ENTPD6: variants seen among roughly 807,000 people sequenced by gnomAD.
ENTPD6 encodes the protein ectonucleoside triphosphate diphosphohydrolase 6.
Under a neutral mutation model 61.5 loss-of-function variants are expected in ENTPD6, and 46 were observed. The observed-to-expected ratio is 0.75, with a 90% CI of 0.59 to 0.96. The LOEUF (loss-of-function observed/expected upper bound fraction) is 0.96. Among genes scored for constraint, ENTPD6 ranks in the 40% least tolerant of loss-of-function variants. The probability of loss-of-function intolerance (pLI) is 0.00; values close to 1 mark genes in which losing one functional copy is unlikely to be tolerated. For synonymous variants in ENTPD6, 252 were observed against 255.5 expected, an observed-to-expected ratio of 0.99 and a Z score of 0.13; for missense variants, 612 against 629.0, an observed-to-expected ratio of 0.97 and a Z score of 0.29.
At chr20:25,211,619 T>C (rs1026052999) in intron 4 of ENTPD6, among the ~76,000 whole-genome samples, 1 of 152,264 alleles carries the variant, frequency 6.6e-6, no homozygotes, top group Non-Finnish European at 1.5e-5. Flanking sequence ...TATGTCGGCA[T>C]GTGCAGAGCC....
At chr20:25,224,998 G>C in intron 13 of ENTPD6, 1 of 667,698 alleles carries the variant, frequency 1.5e-6, no homozygotes, top group Non-Finnish European at 2.5e-6. Context: ...AATCCCCTTG[G>C]AGCCCAGACC....
intron 8 of ENTPD6, 142 bp from the exon 9 acceptor site, chr20:25,217,360 G>A (rs764342101): frequency 2.0e-5 from 15 of 735,798 alleles, no homozygotes; most frequent in Non-Finnish European, 3.3e-5. Context: ...GCCTGCTCCT[G>A]TCTCGCAGCC....
rs372824534 is a variant in ENTPD6, at chr20:25,217,565, A to G, written c.862A>G (p.Lys288Glu). The change falls in exon 9 of 15, where the codon AAG becomes GAG. Residue 288 changes from lysine to glutamate, a missense_variant. Physicochemically the swap from Lys to Glu is moderately conservative, Grantham distance 56. Transcript: ENST00000376652. ...ACTGCGGATGTTTAACAGGACCTAC[A>G]AGCTCTATTCCTACAGGTCTGCTTT... ...TALRMFNRTY[K>E]LYSYSYLGLG... 4.5e-5 allele frequency: 72 copies of G among 1,613,968 alleles called. No homozygotes were observed. The highest frequency in any genetic ancestry group is 5.0e-5 in the Admixed American group (3 of 59,978).
chr20:25,196,607 T>C (rs2090447439), intron 1 of ENTPD6, among the ~76,000 whole-genome samples: 1 of 152,180 alleles, frequency 6.6e-6, no homozygotes, highest in African/African-American at 2.4e-5. Flanking sequence ...TCCAGGCACC[T>C]GTATTCCAGC....
chr20:25,204,390 T>C lies in ENTPD6; in HGVS notation c.-15-2132T>C, dbSNP rs187618176. On this transcript the variant is annotated intron_variant, in intron 1 of 14. Transcript: ENST00000376652. ...GATAAAAATGTGTGCCCTTATTTTT[T>C]GGTAAGAGAAAGCAGGTCTTAATGT... Among the ~76,000 whole-genome samples the C allele has an allele frequency of 1.6e-4, 24 of 152,334 alleles. No individual in the cohort carries two copies. In the East Asian group the frequency reaches 4.2e-3, roughly 27 times the overall value.
intron 4 of ENTPD6, among the ~76,000 whole-genome samples, chr20:25,213,030 A>C (rs557738896): frequency 6.6e-6 from 1 of 152,280 alleles, no homozygotes; most frequent in East Asian, 1.9e-4. Context: ...TTAGTCGGGC[A>C]TGGTGGCTCA....
chr20:25,221,283 G>A lies in ENTPD6; in HGVS notation c.995G>A (p.Gly332Glu). The A allele has an allele frequency of 6.2e-7, 1 of 1,614,188 alleles. No individual in the cohort carries two copies. The highest frequency in any genetic ancestry group is 8.5e-7 in the Non-Finnish European group (1 of 1,180,018). ...VSPCLSPSFK[G>E]EWEHAEVTYR... Reference sequence around the variant, plus strand: ...CCTTGCTTGTCTCCCAGTTTCAAAGGAGAGTGGGAACACGCAGAAGTCACG... The same window carrying A: ...CCTTGCTTGTCTCCCAGTTTCAAAGAAGAGTGGGAACACGCAGAAGTCACG... The change falls in exon 11 of 15, where the codon GGA (glycine) becomes GAA (glutamate). Residue 332 changes from glycine to glutamate, a missense_variant. Transcript: ENST00000376652.
intron 4 of ENTPD6, 58 bp from the exon 5 acceptor site, chr20:25,213,205 C>T (rs1251765817): frequency 2.2e-5 from 36 of 1,604,600 alleles, no homozygotes; most frequent in East Asian, 6.7e-5. Context: ...GGAAGCAGCA[C>T]GTGTGACCCT....
intron 3 of ENTPD6, among the ~76,000 whole-genome samples, chr20:25,208,945 C>T (rs2091731016): frequency 1.3e-5 from 2 of 152,022 alleles, no homozygotes; most frequent in South Asian, 4.1e-4. Flanking sequence ...GAGACGGAGT[C>T]TCGCTCTGCT....
At chr20:25,207,039 T>TAA in intron 2 of ENTPD6, 37 bp from the exon 3 acceptor site, 1 of 1,563,092 alleles carries the variant, frequency 6.4e-7, no homozygotes. Context: ...CCTAGCACCC[T>TAA]AACGTGCTTT....
In ENTPD6 at chr20:25,218,586, G is replaced by A. The variant is rs777253438; in HGVS notation, c.915G>A (p.Ala305=). 1.5e-5 allele frequency: 24 copies of A among 1,608,160 alleles called. No homozygotes were observed. The highest frequency in any genetic ancestry group is 6.7e-5 in the East Asian group (3 of 44,798). ...LGLGLMSARL[A]ILGGVEGQPA... is the part of the protein sequence containing the mutation. ...TCGGGCTGATGTCGGCACGCCTGGC[G>A]ATCCTGGGCGGCGTGGAGGGGCAGC... Residue 305 remains alanine (A), a synonymous_variant, in exon 10 of 15, where the codon GCG becomes GCA. Transcript: ENST00000376652.
chr20:25,205,063 C>T (rs753803339), intron 1 of ENTPD6, among the ~76,000 whole-genome samples: 10 of 152,024 alleles, frequency 6.6e-5, no homozygotes, highest in Non-Finnish European at 1.2e-4. Context: ...TGTCTGGTGA[C>T]GTTATAGAAG....
At chr20:25,222,999 TGAGCA>T in intron 12 of ENTPD6, 21 bp downstream of exon 12, 1 of 1,556,926 alleles carries the variant, frequency 6.4e-7, no homozygotes. Flanking sequence ...CCGGATGGGC[TGAGCA>T]GGAAGGTCGG....
intron 1 of ENTPD6, among the ~76,000 whole-genome samples, chr20:25,204,358 G>T (rs183369294): frequency 1.3e-5 from 2 of 152,000 alleles, no homozygotes; most frequent in Non-Finnish European, 2.9e-5. Flanking sequence ...CTGAATTATC[G>T]AATTTTGATA....
chr20:25,211,691 G>A (rs2091970229), intron 4 of ENTPD6, among the ~76,000 whole-genome samples: 1 of 152,204 alleles, frequency 6.6e-6, no homozygotes, highest in Non-Finnish European at 1.5e-5. Flanking sequence ...CATGGAACCA[G>A]TCCTCTTCTG....
At chr20:25,204,416 C>G (rs1403731865) in intron 1 of ENTPD6, among the ~76,000 whole-genome samples, 1 of 152,094 alleles carries the variant, frequency 6.6e-6, no homozygotes, top group Non-Finnish European at 1.5e-5. Flanking sequence ...GTCTTAATGT[C>G]TGCCGGAACA....
At chr20:25,200,166 C>A (rs1233156958) in intron 1 of ENTPD6, among the ~76,000 whole-genome samples, 1 of 152,216 alleles carries the variant, frequency 6.6e-6, no homozygotes, top group Non-Finnish European at 1.5e-5. Context: ...TAGTGGCTGT[C>A]CTAATATATG....
chr20:25,225,098 T>A, intron 13 of ENTPD6, 107 bp from the exon 14 acceptor site: 2 of 1,486,196 alleles, frequency 1.3e-6, no homozygotes, highest in Non-Finnish European at 1.8e-6. Context: ...GAATCCGGAG[T>A]GCGGAGCCAG....
Position 25,227,895 on chromosome 20 carries a change from C to T in ENTPD6, c.*2298C>T, listed in dbSNP as rs1051695000. Among the ~76,000 whole-genome samples, 1 of 152,212 alleles carries T rather than the reference C, an allele frequency of 6.6e-6. No individual in the cohort carries two copies. The highest frequency in any genetic ancestry group is 1.5e-5 in the Non-Finnish European group (1 of 68,034). On this transcript the variant is annotated 3_prime_UTR_variant, in exon 15 of 15. Transcript: ENST00000376652. ...GCCAGTTTAATCTTTGCCATTCTGG[C>T]AGATTTAAAAAAATGATAACTGGTA... is the stretch of plus-strand genomic sequence containing the variant.
Sources: gnomAD v4.1 joint callset for allele counts (sites outside exome capture counted in the v4.1 genomes callset) on GRCh38, gnomAD v4.1.1 for gene constraint, MANE v1.5 for transcripts, NCBI Gene and HGNC (gene_info 2026-07-23, HGNC 2026-07-21) for gene names.